Variants in GRIA1 observed in about 807,000 individuals in gnomAD.
GRIA1 encodes the protein glutamate receptor 1.
A neutral mutation model predicts 99.2 loss-of-function variants in GRIA1; 31 were observed. The ratio of observed to expected loss-of-function variants is 0.31; its 90% CI spans 0.23 to 0.42. GRIA1 has a LOEUF of 0.42. GRIA1 is among the 10% of genes least tolerant of loss of function. The pLI is 1.00. For synonymous variants in GRIA1, 438 were observed against 432.4 expected (o/e 1.01, Z -0.16); for missense variants, 782 against 1,157.5 (o/e 0.68, Z 4.71).
chr5:153,759,681 A>C lies in GRIA1; in HGVS notation c.1824-4753A>C, dbSNP rs572532733. 2.0e-5 allele frequency among the ~76,000 whole-genome samples: 3 copies of C among 152,092 alleles called. No individual in the cohort carries two copies. In the South Asian group the frequency reaches 6.2e-4, roughly 32 times the overall value. On this transcript the variant is annotated intron_variant, in intron 11 of 15. Coordinates refer to ENST00000285900, the MANE Select transcript of GRIA1 (RefSeq NM_000827.4). The stretch of plus-strand genomic sequence containing the variant: ...TATTCCAAAAAAATTGAAAGGGAGG[A>C]AGTTGTTCCAAACTCATTCTTTGAA...
At chr5:153,649,440 T>TTTATTTAG (rs1554108110) in intron 3 of GRIA1, among the ~76,000 whole-genome samples, 9,585 of 146,766 alleles carry the variant, frequency 0.065, 387 homozygotes, top group South Asian at 0.12. Context: ...TATTTATTTA[T>TTTATTTAG]TTAGTTAGTT....
chr5:153,794,111 A>G (rs1453471730), intron 13 of GRIA1, among the ~76,000 whole-genome samples: 2 of 152,132 alleles, frequency 1.3e-5, no homozygotes, highest in Admixed American at 6.5e-5. Flanking sequence ...TAGAATGCCA[A>G]TCATGTTGTT....
chr5:153,516,435 G>C (rs181161691), intron 2 of GRIA1, among the ~76,000 whole-genome samples: 1 of 151,906 alleles, frequency 6.6e-6, no homozygotes. Context: ...TTGGGGGAAA[G>C]AGAGTAGTTG....
At chr5:153,646,898 C>T (rs575551419) in intron 2 of GRIA1, 30 bp from the exon 3 acceptor site, 2 of 1,608,822 alleles carry the variant, frequency 1.2e-6, no homozygotes, top group East Asian at 4.5e-5. Flanking sequence ...TTGCAGTCTT[C>T]TATTCATTAA....
intron 2 of GRIA1, among the ~76,000 whole-genome samples, chr5:153,615,960 G>A (rs1356537847): frequency 6.6e-6 from 1 of 152,160 alleles, no homozygotes; most frequent in Non-Finnish European, 1.5e-5. Flanking sequence ...ATCTGTGGGT[G>A]AGGCATACTA....
At chr5:153,770,523 A>C (rs1263164563) in intron 13 of GRIA1, 108 bp downstream of exon 13, 1 of 1,070,896 alleles carries the variant, frequency 9.3e-7, no homozygotes, top group African/African-American at 1.6e-5. Context: ...CAAGCTGTTG[A>C]GGGGGCTCTT....
chr5:153,799,667 G>C (rs1765875685), intron 14 of GRIA1, among the ~76,000 whole-genome samples: 1 of 152,156 alleles, frequency 6.6e-6, no homozygotes, highest in Admixed American at 6.5e-5. Context: ...AGCTGTGTCA[G>C]CATAAACAGT....
At chr5:153,596,898 C>T (rs531076382) in intron 2 of GRIA1, among the ~76,000 whole-genome samples, 38 of 152,306 alleles carry the variant, frequency 2.5e-4, no homozygotes, top group East Asian at 9.7e-4. Flanking sequence ...ACCGGCAAGC[C>T]GGTGCTAGTG....
intron 13 of GRIA1, among the ~76,000 whole-genome samples, chr5:153,790,258 C>CT (rs1361382596): frequency 6.6e-6 from 1 of 152,198 alleles, no homozygotes; most frequent in Non-Finnish European, 1.5e-5. Flanking sequence ...ACATTTTAGT[C>CT]TTTGAGGTTC....
At chr5:153,764,665 C>T (rs776780087) in intron 12 of GRIA1, 33 bp downstream of exon 12, 1 of 1,440,108 alleles carries the variant, frequency 6.9e-7, no homozygotes, top group South Asian at 1.2e-5. Flanking sequence ...GACACTTTCA[C>T]AAAAGGGAAC....
intron 12 of GRIA1, among the ~76,000 whole-genome samples, chr5:153,765,354 A>G (rs1193911130): frequency 2.6e-5 from 4 of 152,202 alleles, no homozygotes; most frequent in Admixed American, 6.5e-5. Flanking sequence ...TAACAAGACT[A>G]AAAGAGATAG....
intron 2 of GRIA1, among the ~76,000 whole-genome samples, chr5:153,579,586 CAT>C (rs1320477087): frequency 3.9e-5 from 6 of 152,166 alleles, no homozygotes; most frequent in African/African-American, 1.4e-4. Context: ...TTGAATGACA[CAT>C]GTTTAGTAAT....
chr5:153,518,383 C>A (rs955321303), intron 2 of GRIA1, among the ~76,000 whole-genome samples: 25 of 152,154 alleles, frequency 1.6e-4, no homozygotes, highest in African/African-American at 6.0e-4. Flanking sequence ...GGGGTTAGCA[C>A]AGACTAAGTG....
chr5:153,608,985 CCTGT>C (rs972608614), intron 2 of GRIA1, among the ~76,000 whole-genome samples: 3 of 152,122 alleles, frequency 2.0e-5, no homozygotes, highest in African/African-American at 7.2e-5. Flanking sequence ...CTTACTAGTA[CCTGT>C]CTATTTCCAG....
At chr5:153,532,558 TC>T (rs1758185943) in intron 2 of GRIA1, among the ~76,000 whole-genome samples, 1 of 152,176 alleles carries the variant, frequency 6.6e-6, no homozygotes, top group Admixed American at 6.5e-5. Flanking sequence ...CTCTTCAGTT[TC>T]CACAAACCCC....
chr5:153,802,581 G>T, intron 15 of GRIA1, 91 bp downstream of exon 15: 1 of 1,345,118 alleles, frequency 7.4e-7, no homozygotes, highest in South Asian at 1.2e-5. Flanking sequence ...GGTGGGGAAT[G>T]ACAGGTGGTT....
At position 153,712,335 on chromosome 5, in the gene GRIA1, C is replaced by G. The variant is rs1331898502; in HGVS notation, c.1823+6268C>G. Among the ~76,000 whole-genome samples, 3 of 152,198 alleles carry G rather than the reference C, an allele frequency of 2.0e-5. No homozygotes were observed. In the South Asian group the frequency reaches 6.2e-4, roughly 32 times the overall value. ...AAAGTGCTGGGATTACAGGCATGAG[C>G]CACTGTGCCCAGCCTTGTTGAGGGC... On this transcript the variant is annotated intron_variant, in intron 11 of 15. Transcript: ENST00000285900.
intron 2 of GRIA1, among the ~76,000 whole-genome samples, chr5:153,569,535 C>G (rs1034737215): frequency 6.6e-6 from 1 of 152,270 alleles, no homozygotes; most frequent in South Asian, 2.1e-4. Context: ...CAAAAAGCCC[C>G]GATTGAGCCT....
chr5:153,598,760 A>G (rs941696149), intron 2 of GRIA1, among the ~76,000 whole-genome samples: 3 of 151,992 alleles, frequency 2.0e-5, no homozygotes, highest in Non-Finnish European at 2.9e-5. Context: ...TATCTGTCCA[A>G]TGATACTTTA....
Sources: allele counts gnomAD v4.1 joint callset (sites outside exome capture counted in the v4.1 genomes callset), GRCh38; gene constraint gnomAD v4.1.1; transcripts MANE v1.5; gene names NCBI Gene and HGNC (gene_info 2026-07-23, HGNC 2026-07-21).